FBXL13: variants seen among roughly 807,000 people sequenced by gnomAD.
FBXL13 encodes the protein F-box and leucine-rich repeat protein 13.
In FBXL13, 67 loss-of-function variants were observed where a neutral mutation model predicts 83.6. That is an observed-to-expected ratio of 0.80 (90% CI 0.66 to 0.98). The LOEUF is 0.98. Among genes scored for constraint, FBXL13 ranks in the 50% least tolerant of loss-of-function variants. The pLI, the probability that FBXL13 is intolerant of heterozygous loss-of-function variation, is 0.00. For synonymous variants in FBXL13, 272 were observed against 299.5 expected (o/e 0.91, Z 0.95); for missense variants, 822 against 866.5 (o/e 0.95, Z 0.64).
intron 16 of FBXL13, among the ~76,000 whole-genome samples, chr7:102,870,318 ATGATT>A (rs1452040907): frequency 6.6e-6 from 1 of 152,184 alleles, no homozygotes; most frequent in Non-Finnish European, 1.5e-5. Context: ...CCATCACCAT[ATGATT>A]TATGTTTTCT....
intron 8 of FBXL13, chr7:102,934,648 T>C (rs752374293): frequency 1.2e-6 from 2 of 1,604,784 alleles, no homozygotes; most frequent in Non-Finnish European, 1.7e-6. Flanking sequence ...GCCACAATTA[T>C]GTGTTTCCCA....
chr7:102,976,370 CT>C, intron 6 of FBXL13: 1 of 594,704 alleles, frequency 1.7e-6, no homozygotes, highest in Non-Finnish European at 3.0e-6. Context: ...CCCCGCTCCA[CT>C]TTTCTGCTCC....
intron 11 of FBXL13, among the ~76,000 whole-genome samples, chr7:102,888,010 C>A (rs182439586): frequency 2.0e-5 from 3 of 152,324 alleles, no homozygotes; most frequent in Admixed American, 2.0e-4. Flanking sequence ...GTTTTTGAAT[C>A]ATCTCCTACC....
intron 1 of FBXL13, among the ~76,000 whole-genome samples, chr7:103,057,293 T>C (rs922974296): frequency 1.3e-5 from 2 of 152,316 alleles, no homozygotes; most frequent in East Asian, 3.9e-4. Context: ...ATAAAGTCAC[T>C]GTACCGTGAG....
At chr7:102,865,244 G>A (rs764576034) in intron 16 of FBXL13, among the ~76,000 whole-genome samples, 2 of 152,164 alleles carry the variant, frequency 1.3e-5, no homozygotes, top group Non-Finnish European at 2.9e-5. Context: ...TTGAATCAGG[G>A]TTTACATTTC....
intron 16 of FBXL13, among the ~76,000 whole-genome samples, chr7:102,864,106 T>G (rs1807275440): frequency 6.6e-6 from 1 of 152,230 alleles, no homozygotes; most frequent in South Asian, 2.1e-4. Flanking sequence ...TCCTACTGCA[T>G]ACTGCATGTA....
chr7:102,914,067 G>T lies in FBXL13; in HGVS notation c.879-852C>A, dbSNP rs1815315995. Among the ~76,000 whole-genome samples the T allele has an allele frequency of 2.0e-5, 3 of 152,086 alleles. No homozygotes were observed. The South Asian group carries it at 6.2e-4, about 32-fold the overall frequency. ...AATTTCCCAAGCCCTCCAAAGCCTG[G>T]AACTTTTTTTTGAGACGAAGTTTCG... On this transcript the variant is annotated intron_variant, in intron 10 of 19. Coordinates refer to ENST00000313221, the Ensembl canonical transcript of FBXL13.
intron 17 of FBXL13, among the ~76,000 whole-genome samples, chr7:102,847,131 T>C (rs1463690089): frequency 1.3e-5 from 2 of 152,106 alleles, no homozygotes; most frequent in East Asian, 1.9e-4. Context: ...AATGGCAAAG[T>C]TGGGAAGTTG....
At chr7:102,826,471 C>T (rs1260573756) in intron 18 of FBXL13, among the ~76,000 whole-genome samples, 5 of 151,650 alleles carry the variant, frequency 3.3e-5, no homozygotes, top group Admixed American at 3.3e-4. Context: ...CGTGGTGGCT[C>T]ATGCCTATAA....
At chr7:102,946,073 G>A (rs1254509434) in intron 8 of FBXL13, among the ~76,000 whole-genome samples, 1 of 152,108 alleles carries the variant, frequency 6.6e-6, no homozygotes, top group East Asian at 1.9e-4. Flanking sequence ...GTAGAGACGA[G>A]GTTTCACCAT....
intron 2 of FBXL13, among the ~76,000 whole-genome samples, chr7:103,037,843 G>T (rs146884773): frequency 2.6e-5 from 4 of 152,020 alleles, no homozygotes. Context: ...CAAGATGGCC[G>T]AATAGAAACA....
chr7:102,948,150 G>C (rs1035551851), intron 8 of FBXL13, among the ~76,000 whole-genome samples: 4 of 150,030 alleles, frequency 2.7e-5, no homozygotes, highest in Non-Finnish European at 5.9e-5. Context: ...CACAACCTCT[G>C]CCTCCTGGGT....
At chr7:103,057,740 A>G (rs931984364) in intron 1 of FBXL13, among the ~76,000 whole-genome samples, 1 of 152,184 alleles carries the variant, frequency 6.6e-6, no homozygotes, top group African/African-American at 2.4e-5. Flanking sequence ...ACTTCTTGTT[A>G]AAAGTGTCTG....
intron 6 of FBXL13, among the ~76,000 whole-genome samples, chr7:102,986,948 C>T (rs1047825350): frequency 4.1e-5 from 6 of 147,358 alleles, no homozygotes; most frequent in South Asian, 2.2e-4. Context: ...CACATATACA[C>T]ATACATACAC....
exon 4 of FBXL13, chr7:103,028,604 A>G: frequency 6.4e-7 from 1 of 1,565,962 alleles, no homozygotes; most frequent in Non-Finnish European, 8.6e-7. Flanking sequence ...ATTTACTTTT[A>G]AGTTTTTCTT....
At chr7:102,953,424 A>G (rs953410011) in intron 8 of FBXL13, among the ~76,000 whole-genome samples, 1 of 152,188 alleles carries the variant, frequency 6.6e-6, no homozygotes, top group Non-Finnish European at 1.5e-5. Context: ...AAACCATTTC[A>G]GTTGACTTAG....
At chr7:103,033,578 T>C (rs896148670) in intron 2 of FBXL13, among the ~76,000 whole-genome samples, 3 of 151,884 alleles carry the variant, frequency 2.0e-5, no homozygotes, top group African/African-American at 7.2e-5. Context: ...TCCCGATGAG[T>C]GTTATAGCTC....
At chr7:103,067,297 G>A (rs1355200904) in intron 1 of FBXL13, among the ~76,000 whole-genome samples, 3 of 152,224 alleles carry the variant, frequency 2.0e-5, no homozygotes, top group Admixed American at 6.5e-5. Flanking sequence ...CAATAGGACA[G>A]AGGGAGAAAC....
intron 8 of FBXL13, among the ~76,000 whole-genome samples, chr7:102,938,959 A>G (rs1820856222): frequency 6.6e-6 from 1 of 152,166 alleles, no homozygotes; most frequent in African/African-American, 2.4e-5. Flanking sequence ...GATCTGCCAC[A>G]TTGCCTAGGC....
Sources: allele counts gnomAD v4.1 joint callset (sites outside exome capture counted in the v4.1 genomes callset), GRCh38; gene constraint gnomAD v4.1.1; transcripts MANE v1.5; gene names NCBI Gene and HGNC (gene_info 2026-07-23, HGNC 2026-07-21).